Variants in ARHGAP32 observed in about 807,000 individuals in gnomAD.
ARHGAP32 encodes the protein rho GTPase-activating protein 32.
A neutral mutation model predicts 186.5 loss-of-function variants in ARHGAP32; 51 were observed. The observed-to-expected ratio is 0.27, with a 90% confidence interval of 0.22 to 0.35. The LOEUF is 0.35. Among genes scored for constraint, ARHGAP32 ranks in the 10% least tolerant of loss-of-function variants. ARHGAP32 has a pLI of 1.00. For missense variants in ARHGAP32, 2,186 were observed against 2,623.5 expected, an observed-to-expected ratio of 0.83 and a Z score of 3.64; for synonymous variants, 950 against 964.3, an observed-to-expected ratio of 0.99 and a Z score of 0.27.
In ARHGAP32 at chr11:128,974,135, T is replaced by C. The variant is rs758246669; in HGVS notation, c.3062A>G (p.Gln1021Arg). 5.0e-6 allele frequency: 8 copies of C among 1,614,184 alleles called. No individual in the cohort carries two copies. In the South Asian group the frequency reaches 6.6e-5, roughly 13 times the overall value. The stretch of plus-strand genomic sequence containing the variant: ...AAAACAAACGGTACCTGTCTGAGTC[T>C]GTCCAGAAGCTACAGCCTTACTCTG... ...SSQSKAVASG[Q>R]TQTGAVTHDP... is the part of the protein sequence containing the mutation. Residue 1021 changes from glutamine to arginine, a missense_variant, in exon 21 of 23, where the codon CAG (glutamine) becomes CGG (arginine). Physicochemically the swap from Gln to Arg is conservative, Grantham distance 43 (BLOSUM62 1). Transcript: ENST00000682385.
At chr11:129,106,248 A>G (rs1942043626) in intron 5 of ARHGAP32, among the ~76,000 whole-genome samples, 1 of 152,216 alleles carries the variant, frequency 6.6e-6, no homozygotes, top group Non-Finnish European at 1.5e-5. Flanking sequence ...CACTATTCAC[A>G]ATAGCAAAGA....
At chr11:129,018,215 A>AT (rs1395718730) in intron 11 of ARHGAP32, among the ~76,000 whole-genome samples, 1 of 152,194 alleles carries the variant, frequency 6.6e-6, no homozygotes, top group Non-Finnish European at 1.5e-5. Flanking sequence ...ATTTAAAAAA[A>AT]TAACAGCCTT....
chr11:129,084,656 A>G lies in ARHGAP32; in HGVS notation c.531+8965T>C, dbSNP rs189527819. Among the ~76,000 whole-genome samples, 52 of 152,338 alleles carry G rather than the reference A, an allele frequency of 3.4e-4. 1 individual carries two copies. Among genetic ancestry groups the G allele is most frequent in the African/African-American group, 1.3e-3 (52 of 41,598 alleles). On this transcript the variant is annotated intron_variant, in intron 6 of 22. Transcript: ENST00000682385. Reference sequence around the variant, plus strand: ...CAAACCAGAAATAAAGGGAACTTCCATAACTTGAGAAAGAGCATCTACAAA... The same window carrying G: ...CAAACCAGAAATAAAGGGAACTTCCGTAACTTGAGAAAGAGCATCTACAAA...
chr11:129,105,265 T>C (rs1555092069), intron 5 of ARHGAP32, among the ~76,000 whole-genome samples: 2 of 152,128 alleles, frequency 1.3e-5, no homozygotes, highest in Non-Finnish European at 2.9e-5. Flanking sequence ...CCTGGGTATA[T>C]GGAAGTATTT....
intron 15 of ARHGAP32, among the ~76,000 whole-genome samples, chr11:128,983,061 G>A (rs899179542): frequency 1.5e-4 from 23 of 152,012 alleles, no homozygotes; most frequent in South Asian, 6.2e-4. Flanking sequence ...AGTTAGACTC[G>A]GCATTAGGCA....
At chr11:129,229,125 A>G (rs1051101834) in intron 1 of ARHGAP32, among the ~76,000 whole-genome samples, 1 of 152,210 alleles carries the variant, frequency 6.6e-6, no homozygotes, top group African/African-American at 2.4e-5. Flanking sequence ...TCTGTATTTT[A>G]AAGAATACAA....
chr11:129,193,500 AT>A (rs1467687081), upstream of ARHGAP32, among the ~76,000 whole-genome samples: 534 of 66,456 alleles, frequency 8.0e-3, 32 homozygotes, highest in African/African-American at 0.033. Context: ...AAAAAAAAAA[AT>A]ATATATATAT....
In ARHGAP32 at chr11:128,981,430, A is replaced by G. The variant is rs1278281193; in HGVS notation, c.1766T>C (p.Met589Thr). Residue 589 changes from methionine (M) to threonine (T), a missense_variant, in exon 17 of 23, where the codon ATG becomes ACG. Physicochemically the swap from Met to Thr is moderately conservative, Grantham distance 81. Around this residue, in one of 5 missense-constraint regions of ARHGAP32, gnomAD observed 263 missense variants for 323.5 expected, o/e 0.81. Transcript: ENST00000682385. ...VLFSGRISMAMQEGAASLSRP... is the reference protein window; with the variant it reads ...VLFSGRISMATQEGAASLSRP... ...CGGAGCCGTACCTGCCCCCTCTTGC[A>G]TGGCCATGCTGATTCTGCCGCTGAA... is the stretch of plus-strand genomic sequence containing the variant. 5 of 1,606,022 alleles carry G rather than the reference A, an allele frequency of 3.1e-6. No homozygotes were observed. In the Admixed American group the frequency reaches 8.4e-5, roughly 27 times the overall value.
intron 1 of ARHGAP32, among the ~76,000 whole-genome samples, chr11:129,227,126 G>A (rs1944795203): frequency 1.3e-5 from 2 of 151,992 alleles, no homozygotes; most frequent in Admixed American, 1.3e-4. Flanking sequence ...GGAAGGGGAA[G>A]GGAAGGCACT....
upstream of ARHGAP32, among the ~76,000 whole-genome samples, chr11:129,192,695 A>T (rs1700152196): frequency 6.6e-6 from 1 of 152,134 alleles, no homozygotes; most frequent in South Asian, 2.1e-4. Context: ...ATAAGTAGAG[A>T]AGATAAGTAT....
At chr11:128,981,262 CT>C (rs1198383916) in intron 17 of ARHGAP32, among the ~76,000 whole-genome samples, 153 bp downstream of exon 17, 1 of 152,180 alleles carries the variant, frequency 6.6e-6, no homozygotes, top group Non-Finnish European at 1.5e-5. Flanking sequence ...CACAAAATAA[CT>C]GTCAAATTGT....
chr11:129,168,064 G>C (rs1367291237), intron 1 of ARHGAP32, among the ~76,000 whole-genome samples: 1 of 152,034 alleles, frequency 6.6e-6, no homozygotes, highest in East Asian at 1.9e-4. Context: ...GGGCAAGACA[G>C]TTGGACCCCA....
At chr11:128,988,750 C>T (rs1945951290) in intron 12 of ARHGAP32, among the ~76,000 whole-genome samples, 1 of 152,164 alleles carries the variant, frequency 6.6e-6, no homozygotes, top group Non-Finnish European at 1.5e-5. Flanking sequence ...GACATTTTGA[C>T]TTTATATTAT....
At chr11:129,014,459 A>G (rs535703756) in intron 11 of ARHGAP32, among the ~76,000 whole-genome samples, 9 of 152,222 alleles carry the variant, frequency 5.9e-5, no homozygotes, top group South Asian at 2.1e-4. Context: ...ATTGGTTCCC[A>G]GAAATGTTCT....
intron 1 of ARHGAP32, among the ~76,000 whole-genome samples, chr11:129,254,595 T>C (rs1945229733): frequency 6.6e-6 from 1 of 152,164 alleles, no homozygotes; most frequent in Non-Finnish European, 1.5e-5. Flanking sequence ...CAAAGATCAT[T>C]GCCTTTAAAT....
At chr11:129,015,359 C>T (rs1938289864) in intron 11 of ARHGAP32, among the ~76,000 whole-genome samples, 1 of 152,150 alleles carries the variant, frequency 6.6e-6, no homozygotes, top group South Asian at 2.1e-4. Context: ...TGTCAATGTA[C>T]TTATTTTTAA....
intron 2 of ARHGAP32, among the ~76,000 whole-genome samples, chr11:129,131,875 T>C (rs1436826257): frequency 6.6e-6 from 1 of 152,200 alleles, no homozygotes; most frequent in Admixed American, 6.5e-5. Context: ...TCTTCTTGCA[T>C]TACTTAGACC....
chr11:129,171,195 T>C (rs1212117595), intron 1 of ARHGAP32, among the ~76,000 whole-genome samples: 3 of 152,262 alleles, frequency 2.0e-5, no homozygotes, highest in Non-Finnish European at 2.9e-5. Flanking sequence ...TTTGTCAATT[T>C]TGGCTCTTAT....
At chr11:129,027,098 C>CAA (rs368676310) in intron 11 of ARHGAP32, among the ~76,000 whole-genome samples, 1,503 of 108,156 alleles carry the variant, frequency 0.014, 13 homozygotes, top group Non-Finnish European at 0.023. Context: ...GACTCTGTCT[C>CAA]AAAAAAAAAA....
Sources: allele counts gnomAD v4.1 joint callset (sites outside exome capture counted in the v4.1 genomes callset), GRCh38; gene constraint gnomAD v4.1.1; regional missense constraint gnomAD v4.1.1; transcripts MANE v1.5; gene names NCBI Gene and HGNC (gene_info 2026-07-23, HGNC 2026-07-21).